The following ERG variants were observed in gnomAD, a reference collection of about 807,000 sequenced individuals.
ERG encodes the protein transcriptional regulator ERG.
Under a neutral mutation model 55.3 loss-of-function variants are expected in ERG, and 9 were observed. The ratio of observed to expected loss-of-function variants is 0.16; its 90% confidence interval spans 0.10 to 0.28. The LOEUF (loss-of-function observed/expected upper bound fraction) is 0.28, where lower values mean the gene tolerates loss of function less well. Ranked by LOEUF, ERG falls within the 10% of genes least tolerant of loss-of-function variation. ERG has a pLI of 1.00. For synonymous variants in ERG, 223 were observed against 237.3 expected, an observed-to-expected ratio of 0.94 and a Z score of 0.55; for missense variants, 434 against 631.6, an observed-to-expected ratio of 0.69 and a Z score of 3.35.
chr21:38,577,530 T>C (rs145825181), intron 1 of ERG, among the ~76,000 whole-genome samples: 2 of 151,872 alleles, frequency 1.3e-5, no homozygotes, highest in African/African-American at 2.4e-5. Context: ...GTCCTGAAAT[T>C]GAACCGGGAA....
chr21:38,424,164 A>T (rs986138103), intron 2 of ERG, among the ~76,000 whole-genome samples: 18 of 146,682 alleles, frequency 1.2e-4, no homozygotes, highest in African/African-American at 4.6e-4. Flanking sequence ...CCCTTATTAG[A>T]AAAGAAAGAG....
intron 2 of ERG, among the ~76,000 whole-genome samples, chr21:38,530,439 T>G (rs1276732722): frequency 6.6e-6 from 1 of 152,198 alleles, no homozygotes; most frequent in African/African-American, 2.4e-5. Context: ...GATTTACTTA[T>G]TCCTATGGTT....
intron 6 of ERG, 129 bp from the exon 7 acceptor site, chr21:38,392,573 T>C: frequency 1.7e-6 from 1 of 605,980 alleles, no homozygotes; most frequent in Non-Finnish European, 2.7e-6. Flanking sequence ...TCCAAAGAAA[T>C]ATCCCACTAG....
intron 3 of ERG, among the ~76,000 whole-genome samples, chr21:38,416,406 T>C (rs1989284254): frequency 6.6e-6 from 1 of 152,180 alleles, no homozygotes; most frequent in Admixed American, 6.5e-5. Flanking sequence ...AAAGGAAAAA[T>C]TATTTCCCCA....
chr21:38,472,549 T>G (rs142572713), intron 1 of ERG, among the ~76,000 whole-genome samples: 388 of 152,262 alleles, frequency 2.5e-3, no homozygotes, highest in Non-Finnish European at 4.1e-3. Flanking sequence ...AAACACGTCC[T>G]AAGAGTGGTG....
rs1010846743 is a variant in ERG, at chr21:38,460,132, C to T, written c.19-14511G>A. ...TGAAGAATAGGCCTTCCAGCCTTGG[C>T]AACAGCTAGAACAAGGCCAGAGTGG... is the stretch of plus-strand genomic sequence containing the variant. On this transcript the variant is annotated intron_variant, in intron 1 of 9. Transcript: ENST00000288319. This position sits in a 1 kb window ranked among gnomAD's most constrained non-coding sequence, Gnocchi z 5.0. 1.3e-5 allele frequency among the ~76,000 whole-genome samples: 2 copies of T among 152,146 alleles called. No homozygotes were observed. The highest frequency in any genetic ancestry group is 2.1e-4 in the South Asian group (1 of 4,826).
intron 1 of ERG, among the ~76,000 whole-genome samples, chr21:38,621,563 C>G (rs900803359): frequency 3.9e-5 from 6 of 152,172 alleles, no homozygotes; most frequent in African/African-American, 1.4e-4. Flanking sequence ...GACAGAGCTC[C>G]AGGGACCTGA....
chr21:38,643,614 C>T (rs1260281533), intron 1 of ERG, among the ~76,000 whole-genome samples: 1 of 152,146 alleles, frequency 6.6e-6, no homozygotes, highest in African/African-American at 2.4e-5. Context: ...TTCAGTCCTC[C>T]CCTGTATTTC....
intron 1 of ERG, among the ~76,000 whole-genome samples, chr21:38,640,442 C>T (rs932981366): frequency 7.2e-5 from 11 of 152,170 alleles, no homozygotes; most frequent in Non-Finnish European, 1.2e-4. Context: ...CAAATCTCAT[C>T]TTAAATTGTA....
intron 2 of ERG, among the ~76,000 whole-genome samples, chr21:38,534,824 G>A (rs529337097): frequency 1.3e-5 from 2 of 152,246 alleles, no homozygotes; most frequent in Admixed American, 6.5e-5. Flanking sequence ...CAACCCAATC[G>A]TCCATCCACA....
At chr21:38,369,995 C>G in the ERG span, among the ~76,000 whole-genome samples, 2 of 151,976 alleles carry the variant, frequency 1.3e-5, no homozygotes, top group Non-Finnish European at 2.9e-5. Context: ...TTTTTTGTAC[C>G]AGTACCATGC....
intron 7 of ERG, 134 bp from the exon 8 acceptor site, chr21:38,391,849 A>G: frequency 1.6e-6 from 1 of 643,332 alleles, no homozygotes. Flanking sequence ...ATCTCACGGT[A>G]AGGAAAAATT....
chr21:38,479,994 T>C (rs1460839742), intron 1 of ERG, among the ~76,000 whole-genome samples: 1 of 152,152 alleles, frequency 6.6e-6, no homozygotes, highest in Non-Finnish European at 1.5e-5. Flanking sequence ...AGTCCTCTTG[T>C]GCCTTGGGGC....
intron 1 of ERG, among the ~76,000 whole-genome samples, chr21:38,638,845 G>A (rs1464539111): frequency 6.6e-6 from 1 of 152,140 alleles, no homozygotes; most frequent in Non-Finnish European, 1.5e-5. Context: ...CTGCAGCCAG[G>A]TAACCATCCT....
chr21:38,518,488 C>T (rs866322832), intron 2 of ERG, among the ~76,000 whole-genome samples: 1 of 151,720 alleles, frequency 6.6e-6, no homozygotes, highest in South Asian at 2.1e-4. Flanking sequence ...TGATTTTTGA[C>T]GAAGGTGGCA....
chr21:38,487,763 A>G (rs1333124609), intron 1 of ERG, among the ~76,000 whole-genome samples: 1 of 152,224 alleles, frequency 6.6e-6, no homozygotes, highest in African/African-American at 2.4e-5. Flanking sequence ...GATACATAGG[A>G]GGAAAGCAGT....
chr21:38,430,650 G>T (rs942644575), intron 2 of ERG, among the ~76,000 whole-genome samples: 3 of 152,188 alleles, frequency 2.0e-5, no homozygotes, highest in Non-Finnish European at 4.4e-5. Context: ...GGCCCCAAGA[G>T]GTGGGGGGCT....
intron 2 of ERG, among the ~76,000 whole-genome samples, chr21:38,550,304 T>C (rs139480080): frequency 0.013 from 1,966 of 152,174 alleles, 45 homozygotes; most frequent in African/African-American, 0.044. Flanking sequence ...CTGAGGGTCC[T>C]GGAGTAATAG....
chr21:38,393,429 T>G (rs770815969), intron 6 of ERG, among the ~76,000 whole-genome samples: 2 of 152,212 alleles, frequency 1.3e-5, no homozygotes, highest in African/African-American at 2.4e-5. Context: ...AAATTATGTC[T>G]TCTTGGATTG....
Sources: allele counts gnomAD v4.1 joint callset (sites outside exome capture counted in the v4.1 genomes callset), GRCh38; gene constraint gnomAD v4.1.1; non-coding constraint Gnocchi (gnomAD v3.1); transcripts MANE v1.5; gene names NCBI Gene and HGNC (gene_info 2026-07-23, HGNC 2026-07-21).